RASGRF2: variants seen among roughly 807,000 people sequenced by gnomAD.
RASGRF2 encodes the protein Ras protein specific guanine nucleotide releasing factor 2.
Under a neutral mutation model 151.0 loss-of-function variants are expected in RASGRF2, and 76 were observed. The ratio of observed to expected loss-of-function variants is 0.50; its 90% CI spans 0.42 to 0.61. The LOEUF is 0.61. Ranked by LOEUF, RASGRF2 falls within the 20% of genes least tolerant of loss-of-function variation. The pLI is 0.00. For missense variants in RASGRF2, 1,148 were observed against 1,564.6 expected, an observed-to-expected ratio of 0.73 and a Z score of 4.49; for synonymous variants, 504 against 566.5, an observed-to-expected ratio of 0.89 and a Z score of 1.57.
chr5:80,977,666 AG>A (rs2112231439), intron 1 of RASGRF2, among the ~76,000 whole-genome samples: 1 of 152,288 alleles, frequency 6.6e-6, no homozygotes, highest in East Asian at 1.9e-4. Context: ...CGTGTTGGTG[AG>A]GCTGGTCTCG....
In RASGRF2 at chr5:81,082,259, T is replaced by C. The variant is rs569518986; in HGVS notation, c.1161+1470T>C. Among the ~76,000 whole-genome samples the C allele has an allele frequency of 5.9e-5, 9 of 152,304 alleles. No individual in the cohort carries two copies. The South Asian group carries it at 6.2e-4, about 11-fold the overall frequency. ...ATTTTGAAATGGCAGAGCTGTACTT[T>C]CGCTGTAGATGAGGTGTCCAAATAC... On this transcript the variant is annotated intron_variant, in intron 7 of 26. Coordinates refer to ENST00000265080, the MANE Select transcript of RASGRF2 (RefSeq NM_006909.3).
intron 7 of RASGRF2, among the ~76,000 whole-genome samples, chr5:81,081,676 G>A (rs952336106): frequency 2.6e-5 from 4 of 152,164 alleles, no homozygotes; most frequent in African/African-American, 7.2e-5. Flanking sequence ...GTCCTCCTGC[G>A]CAGGCATCTC....
intron 1 of RASGRF2, among the ~76,000 whole-genome samples, chr5:80,962,311 A>G (rs1747587584): frequency 6.6e-6 from 1 of 152,246 alleles, no homozygotes; most frequent in African/African-American, 2.4e-5. Flanking sequence ...CTTTATAGAT[A>G]TAGATACTAG....
chr5:81,071,588 T>C (rs1424209548), intron 4 of RASGRF2, among the ~76,000 whole-genome samples: 8 of 152,178 alleles, frequency 5.3e-5, no homozygotes. Context: ...TTAGGACTAG[T>C]CAAATGTTTT....
intron 12 of RASGRF2, among the ~76,000 whole-genome samples, chr5:81,102,801 T>C (rs545296096): frequency 6.6e-6 from 1 of 152,232 alleles, no homozygotes; most frequent in African/African-American, 2.4e-5. Flanking sequence ...AAATAACTTT[T>C]GAGTGTTGAA....
chr5:81,180,196 CAT>C lies in RASGRF2; in HGVS notation c.2709_2710del (p.Cys904Ter). On this transcript the variant is annotated frameshift_variant, in exon 18 of 27. Transcript: ENST00000265080. LOFTEE classifies it high-confidence loss of function. ...TAAGGCTTTAACAACACCGAGAGAA[CAT>C]GTGATAAAGAGTTTATTATACGGAG... is the stretch of plus-strand genomic sequence containing the variant. The C allele has an allele frequency of 1.9e-6, 3 of 1,609,270 alleles. No homozygotes were observed. Among genetic ancestry groups the C allele is most frequent in the Non-Finnish European group, 2.6e-6 (3 of 1,175,792 alleles).
chr5:81,019,507 GC>G (rs1749759474), intron 1 of RASGRF2: 1 of 152,208 alleles, frequency 6.6e-6, no homozygotes, highest in African/African-American at 2.4e-5. Flanking sequence ...CCCAGCAGGA[GC>G]CTCGATGGCT....
At chr5:81,141,065 A>C (rs529184477) in intron 17 of RASGRF2, among the ~76,000 whole-genome samples, 1 of 151,684 alleles carries the variant, frequency 6.6e-6, no homozygotes, top group East Asian at 1.9e-4. Context: ...GTGAATTCAC[A>C]CTCTTTAAAA....
At chr5:80,991,494 G>T (rs1353367340) in intron 1 of RASGRF2, among the ~76,000 whole-genome samples, 1 of 152,162 alleles carries the variant, frequency 6.6e-6, no homozygotes, top group African/African-American at 2.4e-5. Flanking sequence ...GGTCCAGGAA[G>T]ACCTTATCAG....
In RASGRF2 at chr5:81,225,530, T is replaced by TA. The variant is rs1287161538; in HGVS notation, c.3622-146dup. ...ATGTTCACCTTTTTTTTTTTTTTTTTAACAATGGAAACATATTTATGATTT... is the reference window on the plus strand; with the variant it reads ...ATGTTCACCTTTTTTTTTTTTTTTTTAAACAATGGAAACATATTTATGATTT... On this transcript the variant is annotated intron_variant, in intron 26 of 26. Coordinates refer to ENST00000265080, the MANE Select transcript of RASGRF2 (RefSeq NM_006909.3). 16 of 1,049,088 alleles carry TA rather than the reference T, an allele frequency of 1.5e-5. No individual in the cohort carries two copies. In the Admixed American group the frequency reaches 5.8e-4, roughly 38 times the overall value. 65.0% of individuals were successfully genotyped at this position (1,049,088 alleles called of 1,614,324 possible).
At chr5:81,135,822 A>G (rs753949844) in intron 17 of RASGRF2, among the ~76,000 whole-genome samples, 7 of 152,154 alleles carry the variant, frequency 4.6e-5, no homozygotes, top group Non-Finnish European at 8.8e-5. Flanking sequence ...AGGTTGTGTG[A>G]TAAGATTATG....
intron 17 of RASGRF2, among the ~76,000 whole-genome samples, chr5:81,131,119 T>C (rs1753605976): frequency 6.6e-6 from 1 of 152,240 alleles, no homozygotes; most frequent in Non-Finnish European, 1.5e-5. Context: ...TCTCTTTAAG[T>C]ATTGCTTAGA....
At chr5:81,208,252 T>C in intron 21 of RASGRF2, 102 bp from the exon 22 acceptor site, 1 of 976,630 alleles carries the variant, frequency 1.0e-6, no homozygotes, top group Non-Finnish European at 1.5e-6. Flanking sequence ...TTCTAGGCCA[T>C]GTCAAATGGA....
At chr5:81,225,006 GTGTTA>G (rs1399585795) in intron 26 of RASGRF2, among the ~76,000 whole-genome samples, 9 of 152,144 alleles carry the variant, frequency 5.9e-5, no homozygotes, top group African/African-American at 2.2e-4. Context: ...TCACTTTTGT[GTGTTA>G]TATTTCAATA....
At chr5:81,047,822 T>C (rs1257977865) in intron 2 of RASGRF2, among the ~76,000 whole-genome samples, 1 of 152,194 alleles carries the variant, frequency 6.6e-6, no homozygotes, top group African/African-American at 2.4e-5. Context: ...TAATGTTTAG[T>C]CTTTTTGATT....
chr5:81,070,160 C>T lies in RASGRF2; in HGVS notation c.544-332C>T, dbSNP rs375517180. On this transcript the variant is annotated intron_variant, in intron 3 of 26. Coordinates refer to ENST00000265080, the MANE Select transcript of RASGRF2 (RefSeq NM_006909.3). ...GACATTGCAGGCAGCCACCTTCAGG[C>T]GAGGGGATGGACATATCACTGGACT... 1.3e-4 allele frequency: 33 copies of T among 258,864 alleles called. 1 individual carries two copies. Among genetic ancestry groups the T allele is most frequent in the African/African-American group, 4.6e-4 (21 of 45,568 alleles). The allele number at this position is 258,864 out of a possible 1,614,324, so 16.0% of individuals were successfully genotyped here.
chr5:81,042,297 C>T (rs562436067), intron 1 of RASGRF2, among the ~76,000 whole-genome samples: 2 of 152,248 alleles, frequency 1.3e-5, no homozygotes, highest in East Asian at 1.9e-4. Context: ...TTTCCCGTGT[C>T]AAGTATGCAT....
Position 81,042,515 on chromosome 5 carries a change from G to A in RASGRF2, c.289-362G>A, listed in dbSNP as rs188066911. Among the ~76,000 whole-genome samples, 76 of 152,316 alleles carry A rather than the reference G, an allele frequency of 5.0e-4. No individual in the cohort carries two copies. In the Middle Eastern group the frequency reaches 0.024, roughly 48 times the overall value. On this transcript the variant is annotated intron_variant, in intron 1 of 26. Coordinates refer to ENST00000265080, the MANE Select transcript of RASGRF2 (RefSeq NM_006909.3). The stretch of plus-strand genomic sequence containing the variant: ...CTAGTGCAGTGATGTAGACTTCTGC[G>A]TTCCTGCAGCTTTATCACACCACAA...
Position 80,961,041 on chromosome 5 carries a change from C to G in RASGRF2, c.288+15C>G. 6.9e-7 allele frequency: 1 copy of G among 1,442,240 alleles called. No homozygotes were observed. Among genetic ancestry groups the G allele is most frequent in the Non-Finnish European group, 9.2e-7 (1 of 1,092,478 alleles). The allele number at this position is 1,442,240 out of a possible 1,614,324, so 89.3% of individuals were successfully genotyped here. A position where few individuals can be genotyped will look rare whatever the true frequency, so the allele number is the denominator to read the frequency against. ...TGGACAAGCAGGTACCGCGCGCCTT[C>G]TCTCCGCGGTCTCCCAGCCTTGATC... On this transcript the variant is annotated intron_variant, in intron 1 of 26. Coordinates refer to ENST00000265080, the MANE Select transcript of RASGRF2 (RefSeq NM_006909.3).
Sources: allele counts gnomAD v4.1 joint callset (sites outside exome capture counted in the v4.1 genomes callset), GRCh38; gene constraint gnomAD v4.1.1; transcripts MANE v1.5; gene names NCBI Gene and HGNC (gene_info 2026-07-23, HGNC 2026-07-21).